The following AASDH variants were observed in gnomAD, a reference collection of about 807,000 sequenced individuals.
The protein encoded by AASDH is beta-alanine-activating enzyme.
AASDH carries 81 observed loss-of-function variants against 102.3 expected under a neutral mutation model. The ratio of observed to expected loss-of-function variants is 0.79; its 90% CI spans 0.66 to 0.95. AASDH has a LOEUF of 0.95. Among genes scored for constraint, AASDH ranks in the 40% least tolerant of loss-of-function variants. AASDH has a pLI of 0.00. For synonymous variants in AASDH, 398 were observed against 454.0 expected (o/e 0.88, Z 1.57); for missense variants, 1,203 against 1,266.2 (o/e 0.95, Z 0.76).
chr4:56,380,368 A>G (rs1752820352), intron 3 of AASDH, among the ~76,000 whole-genome samples: 1 of 152,226 alleles, frequency 6.6e-6, no homozygotes, highest in African/African-American at 2.4e-5. Flanking sequence ...AATATAACCT[A>G]AGTTTTCACA....
intron 4 of AASDH, among the ~76,000 whole-genome samples, chr4:56,373,238 C>A (rs1394453426): frequency 6.6e-6 from 1 of 152,124 alleles, no homozygotes; most frequent in Admixed American, 6.5e-5. Flanking sequence ...CTCCCAAGTT[C>A]GAGCGATTCT....
At chr4:56,368,846 A>G (rs1235930191) in intron 5 of AASDH, among the ~76,000 whole-genome samples, 13 of 150,836 alleles carry the variant, frequency 8.6e-5, no homozygotes, top group Non-Finnish European at 8.9e-5. Context: ...CACGTTGTAC[A>G]CATGTACCCT....
chr4:56,369,944 TAAA>T (rs56400257), intron 5 of AASDH, among the ~76,000 whole-genome samples: 1 of 133,268 alleles, frequency 7.5e-6, no homozygotes, highest in African/African-American at 2.8e-5. Context: ...CTGTCTCAAT[TAAA>T]AAAAAAAAAA....
rs564727163 is a variant in AASDH, at chr4:56,381,584, C to CAAAA, written c.351+889_351+892dup. On this transcript the variant is annotated intron_variant, in intron 3 of 14. Coordinates refer to ENST00000205214, the MANE Select transcript of AASDH (RefSeq NM_181806.4). The stretch of plus-strand genomic sequence containing the variant: ...TGGGTAACAGAGTGAGACTCTGGCT[C>CAAAA]AAAAAAAAAAAAACCCTTTGAGTCT... Among the ~76,000 whole-genome samples, 11 of 124,614 alleles carry CAAAA rather than the reference C, an allele frequency of 8.8e-5. No homozygotes were observed. In the South Asian group the frequency reaches 2.9e-3, roughly 33 times the overall value. The allele number at this position is 124,614 out of a possible 152,430, so 81.8% of individuals were successfully genotyped here. A position where few individuals can be genotyped will look rare whatever the true frequency, so the allele number is the denominator to read the frequency against.
rs115624348 is a variant in AASDH at position 56,382,624 on chromosome 4, T to C, written c.231-27A>G. The C allele has an allele frequency of 2.5e-3, 3,966 of 1,591,732 alleles. 94 individuals are homozygous for C. In the African/African-American group the frequency reaches 0.047, roughly 19 times the overall value. Reference sequence around the variant, plus strand: ...TAAAGAAAAAAGTACACAGTCAGCATAGAATGTCTGTTGATTTAGTATTTG... The same window carrying C: ...TAAAGAAAAAAGTACACAGTCAGCACAGAATGTCTGTTGATTTAGTATTTG... On this transcript the variant is annotated intron_variant, in intron 2 of 14. Coordinates refer to ENST00000205214, the MANE Select transcript of AASDH (RefSeq NM_181806.4).
chr4:56,357,205 G>A (rs1205373234), intron 5 of AASDH, among the ~76,000 whole-genome samples: 3 of 152,188 alleles, frequency 2.0e-5, no homozygotes, highest in East Asian at 3.8e-4. Flanking sequence ...GGTAAGAAAT[G>A]TAGTGCTGAC....
At position 56,373,066 on chromosome 4, in the gene AASDH, A is replaced by G. The variant is rs545106718; in HGVS notation, c.669-1423T>C. Among the ~76,000 whole-genome samples the G allele has an allele frequency of 2.6e-5, 4 of 152,352 alleles. No homozygotes were observed. In the East Asian group the frequency reaches 7.7e-4, roughly 29 times the overall value. On this transcript the variant is annotated intron_variant, in intron 4 of 14. Transcript: ENST00000205214. ...GAGTCTTATGTTCTACTTTCAGACA[A>G]GGTAAGTAAGAGCAATTTCTTTACA...
intron 13 of AASDH, 44 bp downstream of exon 13, chr4:56,343,518 T>C: frequency 6.7e-7 from 1 of 1,498,124 alleles, no homozygotes; most frequent in African/African-American, 1.4e-5. Context: ...TTTTACAAAT[T>C]TAAAGAAAAG....
At chr4:56,384,991 T>C (rs1188312499) in intron 1 of AASDH, among the ~76,000 whole-genome samples, 4 of 152,116 alleles carry the variant, frequency 2.6e-5, no homozygotes, top group African/African-American at 9.7e-5. Flanking sequence ...GGCGAATCAC[T>C]TGAACCCAGG....
At chr4:56,364,283 GA>G (rs574588286) in intron 5 of AASDH, among the ~76,000 whole-genome samples, 125 of 152,154 alleles carry the variant, frequency 8.2e-4, no homozygotes, top group African/African-American at 3.0e-3. Context: ...AACCAAGTTG[GA>G]AAACACTCTG....
chr4:56,366,194 C>T (rs187458064), intron 5 of AASDH, among the ~76,000 whole-genome samples: 259 of 152,300 alleles, frequency 1.7e-3, no homozygotes, highest in Non-Finnish European at 2.9e-3. Flanking sequence ...TCTGTATAGA[C>T]CAATAACAGG....
At chr4:56,380,944 T>C (rs1752883249) in intron 3 of AASDH, among the ~76,000 whole-genome samples, 1 of 152,194 alleles carries the variant, frequency 6.6e-6, no homozygotes, top group African/African-American at 2.4e-5. Context: ...ATACAGTAGA[T>C]GCTTAAAAAT....
At chr4:56,362,595 C>T (rs1387441404) in intron 5 of AASDH, among the ~76,000 whole-genome samples, 1 of 152,016 alleles carries the variant, frequency 6.6e-6, no homozygotes, top group Non-Finnish European at 1.5e-5. Context: ...TGCTTCATGT[C>T]CAATTAGGTC....
Position 56,345,220 on chromosome 4 carries a change from T to G in AASDH, c.2559A>C (p.Glu853Asp). ...SGEKYWMFTT[E>D]DAVKSSATMD... ...TGGTTGCCGAGCTTTTGACAGCATC[T>G]TCAGTAGTAAACATCCAGTATTTTT... Residue 853 changes from glutamate (E) to aspartate (D), a missense_variant, in exon 12 of 15, where the codon GAA becomes GAC. Glu to Asp is a conservative substitution (Grantham distance 45, BLOSUM62 2). Coordinates refer to ENST00000205214, the MANE Select transcript of AASDH (RefSeq NM_181806.4). 1 of 1,614,058 alleles carries G rather than the reference T, an allele frequency of 6.2e-7. No individual in the cohort carries two copies.
chr4:56,363,609 C>T (rs550260548), intron 5 of AASDH, among the ~76,000 whole-genome samples: 1 of 152,328 alleles, frequency 6.6e-6, no homozygotes, highest in South Asian at 2.1e-4. Flanking sequence ...CCCAGGCAAA[C>T]AGGGTCTGGA....
chr4:56,352,210 G>GT (rs1749099968), intron 9 of AASDH, among the ~76,000 whole-genome samples: 1 of 152,148 alleles, frequency 6.6e-6, no homozygotes. Context: ...TTAATTGTAT[G>GT]TGTCAATGTG....
In AASDH at chr4:56,356,173, G is replaced by A. The variant is rs970131813; in HGVS notation, c.862-750C>T. On this transcript the variant is annotated intron_variant, in intron 5 of 14. Coordinates refer to ENST00000205214, the MANE Select transcript of AASDH (RefSeq NM_181806.4). ...AGGCCAAGGGAAAGAAGGTGGCTCTGGCCCCTGCTGTTGTGAAGAAGCAGG... is the reference window on the plus strand; with the variant it reads ...AGGCCAAGGGAAAGAAGGTGGCTCTAGCCCCTGCTGTTGTGAAGAAGCAGG... 7.0e-6 allele frequency: 5 copies of A among 710,206 alleles called. No individual in the cohort carries two copies. The African/African-American group carries it at 8.8e-5, about 12-fold the overall frequency. The allele number at this position is 710,206 out of a possible 1,614,324, so 44.0% of individuals were successfully genotyped here.
Position 56,349,965 on chromosome 4 carries a change from G to A in AASDH, c.1786C>T (p.Leu596Phe). The change falls in exon 11 of 15, where the codon CTC (leucine) becomes TTC (phenylalanine). Residue 596 changes from leucine to phenylalanine, a missense_variant. By Grantham distance (22) the Leu-to-Phe change is conservative. Coordinates refer to ENST00000205214, the MANE Select transcript of AASDH (RefSeq NM_181806.4). ...GGDSLKSIRL[L>F]SEIEKLVGTS... is the part of the protein sequence containing the mutation. ...CCAACAAGTTTTTCAATCTCACTGA[G>A]GAGCCGGATGGACTTTAAGGAATCT... 1.2e-6 allele frequency: 2 copies of A among 1,613,578 alleles called. No individual in the cohort carries two copies. The highest frequency in any genetic ancestry group is 1.7e-6 in the Non-Finnish European group (2 of 1,180,006).
At position 56,338,732 on chromosome 4, in the gene AASDH, C is replaced by G. The variant is rs1747216257; in HGVS notation, c.2967G>C (p.Glu989Asp). 6.2e-7 allele frequency: 1 copy of G among 1,613,958 alleles called. No individual in the cohort carries two copies. Among genetic ancestry groups the G allele is most frequent in the South Asian group, 1.1e-5 (1 of 91,074 alleles). ...IFSSPCTSPS[E>D]QKIFFGSHDC... Reference sequence around the variant, plus strand: ...CATGGGAACCAAAAAATATTTTTTGCTCTGATGGTGAGGTACACGGGGATG... The same window carrying G: ...CATGGGAACCAAAAAATATTTTTTGGTCTGATGGTGAGGTACACGGGGATG... Residue 989 changes from glutamate to aspartate, a missense_variant, in exon 15 of 15, where the codon GAG becomes GAC. Physicochemically the swap from Glu to Asp is conservative, Grantham distance 45. Coordinates refer to ENST00000205214, the MANE Select transcript of AASDH (RefSeq NM_181806.4).
Sources: allele counts gnomAD v4.1 joint callset (sites outside exome capture counted in the v4.1 genomes callset), GRCh38; gene constraint gnomAD v4.1.1; transcripts MANE v1.5; gene names NCBI Gene and HGNC (gene_info 2026-07-23, HGNC 2026-07-21).